The following TRAF3 variants were observed in gnomAD, a reference collection of about 807,000 sequenced individuals.
TRAF3 encodes the protein TNF receptor associated factor 3, also known as TNF receptor-associated factor 3.
In TRAF3, 13 loss-of-function variants were observed where a neutral mutation model predicts 62.3. That is an observed-to-expected ratio of 0.21 (90% CI 0.14 to 0.33). TRAF3 has a LOEUF of 0.33. TRAF3 is among the 10% of genes least tolerant of loss of function. The pLI is 1.00. For missense variants in TRAF3, 440 were observed against 741.8 expected, an observed-to-expected ratio of 0.59 and a Z score of 4.73; for synonymous variants, 269 against 283.4, an observed-to-expected ratio of 0.95 and a Z score of 0.51.
intron 1 of TRAF3, among the ~76,000 whole-genome samples, chr14:102,828,487 A>C (rs919818699): frequency 6.6e-6 from 1 of 152,208 alleles, no homozygotes; most frequent in African/African-American, 2.4e-5. Flanking sequence ...AGCTCTGTCA[A>C]CTTACTGATG....
chr14:102,839,210 C>CTTTTTTTTTTTTTTTTTTT (rs56998347), intron 2 of TRAF3, among the ~76,000 whole-genome samples: 1 of 89,836 alleles, frequency 1.1e-5, no homozygotes, highest in African/African-American at 4.4e-5. Flanking sequence ...GTTGATTTGC[C>CTTTTTTTTTTTTTTTTTTT]TTTTTTTTTT....
chr14:102,782,631 T>C (rs796480230), intron 1 of TRAF3, among the ~76,000 whole-genome samples: 25 of 152,068 alleles, frequency 1.6e-4, no homozygotes, highest in African/African-American at 5.8e-4. Context: ...AACTGAAAAA[T>C]TGGGGGCCCT....
rs2140001356 is a variant in TRAF3 at position 102,903,262 on chromosome 14, TAGAC to T, written c.971_974del (p.Asp324AlafsTer6). The T allele has an allele frequency of 6.2e-7, 1 of 1,614,172 alleles. No individual in the cohort carries two copies. Among genetic ancestry groups the T allele is most frequent in the Non-Finnish European group, 8.5e-7 (1 of 1,180,028 alleles). On this transcript the variant is annotated frameshift_variant, in exon 11 of 12. Transcript: ENST00000392745. LOFTEE classifies it high-confidence loss of function. The surrounding 1 kb of genome is among the most constrained non-coding windows in gnomAD (Gnocchi z 6.4). ...ACACCTTTGGTTTGGAAGCGAGTGA[TAGAC>T]AGCCAAGCAGAGAAACTGAAGGAGC...
intron 7 of TRAF3, among the ~76,000 whole-genome samples, chr14:102,887,484 C>T (rs1473310896): frequency 6.6e-6 from 1 of 152,250 alleles, no homozygotes; most frequent in Non-Finnish European, 1.5e-5. Context: ...TGACAGTGGC[C>T]TCTGGGCCCT....
At chr14:102,876,328 A>G (rs1448424006) in intron 5 of TRAF3, 30 bp from the exon 6 acceptor site, 6 of 1,613,244 alleles carry the variant, frequency 3.7e-6, no homozygotes, top group African/African-American at 1.3e-5. Context: ...TTTTTTCCCA[A>G]TTAAGAACAT....
chr14:102,786,824 T>C (rs1897527648), intron 1 of TRAF3, among the ~76,000 whole-genome samples: 1 of 152,160 alleles, frequency 6.6e-6, no homozygotes, highest in Admixed American at 6.5e-5. Context: ...ACCTTGTCTC[T>C]ACAAAAAATT....
chr14:102,899,443 T>TA (rs1890167109), intron 10 of TRAF3, among the ~76,000 whole-genome samples: 2 of 152,126 alleles, frequency 1.3e-5, no homozygotes, highest in Admixed American at 1.3e-4. Context: ...GGGTTTATCG[T>TA]AAAATCTTAC....
chr14:102,790,735 C>A lies in TRAF3; in HGVS notation c.-157+13060C>A, dbSNP rs1897745154. ...ATATGAGATTTGGATGGGGACACAG[C>A]CAAACCATATCACACACTGTTTTGA... On this transcript the variant is annotated intron_variant, in intron 1 of 11. Transcript: ENST00000392745. Among the ~76,000 whole-genome samples, 4 of 152,114 alleles carry A rather than the reference C, an allele frequency of 2.6e-5. No individual in the cohort carries two copies. In the South Asian group the frequency reaches 8.3e-4, roughly 31 times the overall value.
chr14:102,865,449 A>G (rs1887927024), intron 2 of TRAF3, among the ~76,000 whole-genome samples: 1 of 150,318 alleles, frequency 6.7e-6, no homozygotes, highest in Admixed American at 6.6e-5. Flanking sequence ...CTGTTTTTAT[A>G]TATTGGATTG....
chr14:102,905,228 A>G lies in TRAF3; in HGVS notation c.1151A>G (p.Gln384Arg). The change falls in exon 12 of 12, where the codon CAG becomes CGG. Residue 384 changes from glutamine to arginine, a missense_variant. By Grantham distance (43) the Gln-to-Arg change is conservative (BLOSUM62 1). This residue lies in a region of TRAF3 where 41 missense variants were observed against 40.0 expected (regional missense o/e 1.03). Coordinates refer to ENST00000392745, the MANE Select transcript of TRAF3 (RefSeq NM_145725.3). ...CCTGTGGCAGGCCTGCTGGAGTCCCAGCTGAGCCGGCATGACCAGATGCTG... is the reference window on the plus strand; with the variant it reads ...CCTGTGGCAGGCCTGCTGGAGTCCCGGCTGAGCCGGCATGACCAGATGCTG... ...VARNTGLLESQLSRHDQMLSV... is the reference protein window; with the variant it reads ...VARNTGLLESRLSRHDQMLSV... 1.9e-6 allele frequency: 3 copies of G among 1,613,718 alleles called. No homozygotes were observed. Among genetic ancestry groups the G allele is most frequent in the Non-Finnish European group, 2.5e-6 (3 of 1,180,044 alleles).
At chr14:102,876,962 A>G (rs539528705) in intron 6 of TRAF3, among the ~76,000 whole-genome samples, 33 of 148,798 alleles carry the variant, frequency 2.2e-4, no homozygotes, top group African/African-American at 8.3e-4. Context: ...CAATTCATAG[A>G]TAATCCGTTC....
chr14:102,880,179 A>T (rs1888965932), intron 6 of TRAF3, among the ~76,000 whole-genome samples: 1 of 152,120 alleles, frequency 6.6e-6, no homozygotes, highest in Non-Finnish European at 1.5e-5. Context: ...GTTTTTTTGG[A>T]GTCAAGTAAT....
chr14:102,795,151 G>A (rs1004663903), intron 1 of TRAF3, among the ~76,000 whole-genome samples: 3 of 152,210 alleles, frequency 2.0e-5, no homozygotes, highest in Non-Finnish European at 4.4e-5. Context: ...TAATTTGACA[G>A]TGTGTGCAGA....
At position 102,826,799 on chromosome 14, in the gene TRAF3, CAG is replaced by C. The variant is rs1179874621; in HGVS notation, c.-156-3534_-156-3533del. Among the ~76,000 whole-genome samples the C allele has an allele frequency of 1.3e-5, 2 of 152,170 alleles. No individual in the cohort carries two copies. The highest frequency in any genetic ancestry group is 2.9e-5 in the Non-Finnish European group (2 of 68,022). ...AGGCCGCGTGGACTGTCACCTCTGT[CAG>C]GGGTGCCAGGGCTGCCAAAGGACAG... On this transcript the variant is annotated intron_variant, in intron 1 of 11. Transcript: ENST00000392745. This position sits in a 1 kb window ranked among gnomAD's most constrained non-coding sequence, Gnocchi z 4.6.
intron 2 of TRAF3, among the ~76,000 whole-genome samples, chr14:102,854,475 C>T (rs2139747802): frequency 6.6e-6 from 1 of 152,296 alleles, no homozygotes; most frequent in African/African-American, 2.4e-5. Context: ...TTTAGCCATC[C>T]AAGTGACTAA....
rs190696866 is a variant in TRAF3 at position 102,796,725 on chromosome 14, C to G, written c.-157+19050C>G. Among the ~76,000 whole-genome samples, 844 of 152,326 alleles carry G rather than the reference C, an allele frequency of 5.5e-3. 3 individuals carry two copies. The highest frequency in any genetic ancestry group is 7.5e-3 in the Non-Finnish European group (511 of 68,022). ...CATGGAATTGCAGAGGCCTGAGTGC[C>G]TCTGCTTCTACCGTGATTCCTGAGG... is the stretch of plus-strand genomic sequence containing the variant. On this transcript the variant is annotated intron_variant, in intron 1 of 11. Coordinates refer to ENST00000392745, the MANE Select transcript of TRAF3 (RefSeq NM_145725.3).
chr14:102,811,847 A>G (rs1343489464), intron 1 of TRAF3, among the ~76,000 whole-genome samples: 1 of 141,744 alleles, frequency 7.1e-6, no homozygotes, highest in Admixed American at 7.2e-5. Flanking sequence ...TCGTGGGCTC[A>G]AGTGATCCTC....
chr14:102,884,673 C>T lies in TRAF3; in HGVS notation c.571-1516C>T, dbSNP rs183303071. ...AAAAATACAAAAAATTAGCTGGGCA[C>T]GGTGATGTGTTGCCTGTAGTCCCAG... On this transcript the variant is annotated intron_variant, in intron 6 of 11. Coordinates refer to ENST00000392745, the MANE Select transcript of TRAF3 (RefSeq NM_145725.3). 6.3e-4 allele frequency among the ~76,000 whole-genome samples: 96 copies of T among 151,964 alleles called. 1 individual carries two copies. The highest frequency in any genetic ancestry group is 2.0e-3 in the African/African-American group (85 of 41,470).
rs1024245818 is a variant in TRAF3, at chr14:102,910,075, C to T, written c.*4291C>T. ...GGGAGGATTGGCCTGAGGACCGTCA[C>T]CCTGTGCACAGCCCCAGTAGGGTGG... On this transcript the variant is annotated 3_prime_UTR_variant, in exon 12 of 12. Transcript: ENST00000392745. 6.6e-6 allele frequency: 1 copy of T among 152,382 alleles called. No individual in the cohort carries two copies. Among genetic ancestry groups the T allele is most frequent in the South Asian group, 2.1e-4 (1 of 4,832 alleles). 9.4% of individuals were successfully genotyped at this position (152,382 alleles called of 1,614,324 possible).
Sources: gnomAD v4.1 joint callset for allele counts (sites outside exome capture counted in the v4.1 genomes callset) on GRCh38, gnomAD v4.1.1 for gene constraint, gnomAD v4.1.1 regional missense constraint, Gnocchi (gnomAD v3.1) non-coding constraint, MANE v1.5 for transcripts, NCBI Gene and HGNC (gene_info 2026-07-23, HGNC 2026-07-21) for gene names.